Variants in CD44 observed in about 807,000 individuals in gnomAD.
CD44 encodes the protein CD44 antigen.
In CD44, 49 loss-of-function variants were observed where a neutral mutation model predicts 88.8. That is an observed-to-expected ratio of 0.55 (90% confidence interval 0.44 to 0.70). The LOEUF (loss-of-function observed/expected upper bound fraction) is 0.70, where lower values mean the gene tolerates loss of function less well. Among genes scored for constraint, CD44 ranks in the 30% least tolerant of loss-of-function variants. CD44 has a pLI of 0.00. For missense variants in CD44, 883 were observed against 913.8 expected, an observed-to-expected ratio of 0.97 and a Z score of 0.43; for synonymous variants, 325 against 312.3, an observed-to-expected ratio of 1.04 and a Z score of -0.43.
chr11:35,170,505 A>G (rs1943756306), intron 1 of CD44, among the ~76,000 whole-genome samples: 1 of 152,174 alleles, frequency 6.6e-6, no homozygotes, highest in Non-Finnish European at 1.5e-5. Context: ...TGGCATTTCT[A>G]CCACGGGAAG....
At chr11:35,211,060 T>A (rs1302666838) in intron 13 of CD44, among the ~76,000 whole-genome samples, 186 bp from the exon 14 acceptor site, 2 of 152,256 alleles carry the variant, frequency 1.3e-5, no homozygotes, top group Non-Finnish European at 2.9e-5. Context: ...TGTTGAGTGA[T>A]GTCCAAGTAG....
At chr11:35,190,363 T>C in intron 5 of CD44, 1 of 453,702 alleles carries the variant, frequency 2.2e-6, no homozygotes. Flanking sequence ...AGGTATACAG[T>C]AACAATTCAA....
intron 15 of CD44, among the ~76,000 whole-genome samples, chr11:35,215,260 G>A (rs879675752): frequency 3.9e-5 from 6 of 152,196 alleles, no homozygotes; most frequent in Non-Finnish European, 7.3e-5. Flanking sequence ...ATTTAACCTT[G>A]CACTACACCA....
intron 17 of CD44, among the ~76,000 whole-genome samples, chr11:35,228,569 T>C (rs756912137): frequency 1.3e-5 from 2 of 152,228 alleles, no homozygotes; most frequent in African/African-American, 4.8e-5. Context: ...TGAAGTAAGA[T>C]AGAAAGAGAA....
chr11:35,154,953 T>C (rs1456565969), intron 1 of CD44, among the ~76,000 whole-genome samples: 1 of 152,176 alleles, frequency 6.6e-6, no homozygotes, highest in Non-Finnish European at 1.5e-5. Context: ...ACTCCCAGTG[T>C]CTTCCTGCAA....
At chr11:35,172,537 A>T (rs976071366) in intron 1 of CD44, among the ~76,000 whole-genome samples, 1 of 152,136 alleles carries the variant, frequency 6.6e-6, no homozygotes, top group Non-Finnish European at 1.5e-5. Flanking sequence ...TTTCTCCCAA[A>T]TTGATGTGGA....
intron 1 of CD44, 42 bp from the exon 2 acceptor site, chr11:35,176,533 T>G (rs773706615): frequency 3.2e-6 from 5 of 1,574,588 alleles, no homozygotes; most frequent in East Asian, 2.2e-5. Context: ...GTCTCCAAAT[T>G]ATTTATGCAA....
intron 7 of CD44, among the ~76,000 whole-genome samples, chr11:35,199,511 C>A (rs867418806): frequency 1.2e-4 from 19 of 152,134 alleles, no homozygotes; most frequent in Middle Eastern, 3.4e-3. Flanking sequence ...CCATTAAAAT[C>A]TGAGAATTTC....
intron 10 of CD44, 149 bp downstream of exon 10, chr11:35,204,789 C>T (rs1223691926): frequency 2.9e-6 from 2 of 686,024 alleles, no homozygotes; most frequent in Non-Finnish European, 2.4e-6. Context: ...CACACAGAGC[C>T]AAACCTTAAA....
chr11:35,172,134 T>C (rs772467814), intron 1 of CD44, among the ~76,000 whole-genome samples: 2 of 152,156 alleles, frequency 1.3e-5, no homozygotes, highest in East Asian at 3.9e-4. Context: ...ACGGCTGCCA[T>C]GACCTTGGCT....
At chr11:35,191,251 T>C (rs974664328) in intron 5 of CD44, among the ~76,000 whole-genome samples, 1 of 152,218 alleles carries the variant, frequency 6.6e-6, no homozygotes, top group Non-Finnish European at 1.5e-5. Context: ...CACAGTACTG[T>C]GATTTCATTT....
At chr11:35,147,495 A>C (rs1262597785) in intron 1 of CD44, among the ~76,000 whole-genome samples, 1 of 152,104 alleles carries the variant, frequency 6.6e-6, no homozygotes, top group Non-Finnish European at 1.5e-5. Context: ...CTGAGAAAAA[A>C]GCCACCCAGG....
At chr11:35,163,231 A>C (rs1395228607) in intron 1 of CD44, among the ~76,000 whole-genome samples, 1 of 151,456 alleles carries the variant, frequency 6.6e-6, no homozygotes, top group Non-Finnish European at 1.5e-5. Context: ...ACCAAGTGCC[A>C]AGGGTTATGA....
At chr11:35,227,607 G>T (rs756952210) in intron 17 of CD44, among the ~76,000 whole-genome samples, 9 of 152,226 alleles carry the variant, frequency 5.9e-5, no homozygotes, top group Non-Finnish European at 1.3e-4. Context: ...TATGCTAGAG[G>T]AGACAGGATC....
chr11:35,146,391 A>G (rs896879416), intron 1 of CD44, among the ~76,000 whole-genome samples: 4 of 152,182 alleles, frequency 2.6e-5, no homozygotes, highest in South Asian at 4.1e-4. Context: ...CTGAAAGTTC[A>G]TTTGTTTTTG....
rs528926644 is a variant in CD44 at position 35,161,918 on chromosome 11, T to C, written c.68-14657T>C. ...TAAGTAAAATGTGTCCATGAGTTCA[T>C]AAAAGAGTGAGCCTTAGACATACAG... On this transcript the variant is annotated intron_variant, in intron 1 of 17. Transcript: ENST00000428726. Among the ~76,000 whole-genome samples, 3 of 152,294 alleles carry C rather than the reference T, an allele frequency of 2.0e-5. No homozygotes were observed. The South Asian group carries it at 6.2e-4, about 32-fold the overall frequency.
chr11:35,171,541 G>A (rs1293238636), intron 1 of CD44, among the ~76,000 whole-genome samples: 1 of 152,062 alleles, frequency 6.6e-6, no homozygotes, highest in Non-Finnish European at 1.5e-5. Context: ...ATCCTGTCTT[G>A]GCTGATCACA....
chr11:35,222,598 A>AATAT (rs55982807), intron 17 of CD44: 11,132 of 544,966 alleles, frequency 0.02, 153 homozygotes, highest in South Asian at 0.069. Context: ...TTTTATATAT[A>AATAT]ATATATATAT....
chr11:35,225,102 G>GAGCACTTGCACTATGGCTAGTTCA (rs1368679322), intron 17 of CD44, among the ~76,000 whole-genome samples: 1 of 123,766 alleles, frequency 8.1e-6, no homozygotes, highest in Admixed American at 9.3e-5. Context: ...AGCCACAACT[G>GAGCACTTGCACTATGGCTAGTTCA]AGCACTTGAA....
Sources: allele counts gnomAD v4.1 joint callset (sites outside exome capture counted in the v4.1 genomes callset), GRCh38; gene constraint gnomAD v4.1.1; transcripts MANE v1.5; gene names NCBI Gene and HGNC (gene_info 2026-07-23, HGNC 2026-07-21).